Variants in SPRED2 observed in about 807,000 individuals in gnomAD.
SPRED2 encodes sprouty related EVH1 domain containing 2.
SPRED2 carries 47 observed loss-of-function variants against 43.0 expected under a neutral mutation model. That is an observed-to-expected ratio of 1.09 (90% confidence interval 0.87 to 1.40). SPRED2 has a LOEUF of 1.40. Ranked by LOEUF, SPRED2 falls within the 40% of genes most tolerant of loss-of-function variation. The pLI is 0.00. For missense variants in SPRED2, 561 were observed against 586.4 expected (o/e 0.96, Z 0.45); for synonymous variants, 225 against 225.7 (o/e 1.00, Z 0.03).
At chr2:65,424,393 TCAAC>T (rs1318128612) in intron 1 of SPRED2, among the ~76,000 whole-genome samples, 1 of 152,198 alleles carries the variant, frequency 6.6e-6, no homozygotes, top group Non-Finnish European at 1.5e-5. Context: ...AATAGTTACT[TCAAC>T]CAATTGATAA....
At chr2:65,327,713 C>CTTTTTTTTTTTTTTTTTTTTTT (rs555549300) in intron 4 of SPRED2, among the ~76,000 whole-genome samples, 1 of 74,446 alleles carries the variant, frequency 1.3e-5, no homozygotes, top group Non-Finnish European at 2.4e-5. Flanking sequence ...TTCTTTCTTT[C>CTTTTTTTTTTTTTTTTTTTTTT]TTTTTTTTTT....
At chr2:65,388,468 G>C (rs755931664) in intron 1 of SPRED2, among the ~76,000 whole-genome samples, 2 of 152,166 alleles carry the variant, frequency 1.3e-5, no homozygotes, top group Non-Finnish European at 2.9e-5. Context: ...TGAAAAATTA[G>C]CCAAGGCCCA....
intron 1 of SPRED2, among the ~76,000 whole-genome samples, chr2:65,416,782 C>T (rs572786275): frequency 3.9e-5 from 6 of 152,086 alleles, no homozygotes; most frequent in African/African-American, 1.2e-4. Context: ...TTGGGCTCTC[C>T]GGATACTGTG....
chr2:65,425,991 C>T (rs1271663335), intron 1 of SPRED2, among the ~76,000 whole-genome samples: 1 of 152,112 alleles, frequency 6.6e-6, no homozygotes, highest in Non-Finnish European at 1.5e-5. Flanking sequence ...AGAATGATGC[C>T]AATATTGGAG....
chr2:65,350,435 T>A (rs1674474868), intron 1 of SPRED2, among the ~76,000 whole-genome samples: 1 of 152,112 alleles, frequency 6.6e-6, no homozygotes, highest in East Asian at 1.9e-4. Context: ...GGAGCCCGAG[T>A]GTCTGAACTT....
At chr2:65,335,594 T>C (rs1489123168) in intron 2 of SPRED2, among the ~76,000 whole-genome samples, 1 of 152,168 alleles carries the variant, frequency 6.6e-6, no homozygotes, top group Non-Finnish European at 1.5e-5. Flanking sequence ...CCCTGTCAAG[T>C]TTTATATGTA....
chr2:65,332,865 C>T (rs761098877), intron 3 of SPRED2, among the ~76,000 whole-genome samples: 17 of 152,240 alleles, frequency 1.1e-4, no homozygotes, highest in South Asian at 2.1e-4. Flanking sequence ...CTTAATTGGC[C>T]AAAAGAAAGA....
intron 1 of SPRED2, 129 bp from the exon 2 acceptor site, chr2:65,345,025 G>T: frequency 1.2e-6 from 1 of 865,092 alleles, no homozygotes; most frequent in Non-Finnish European, 1.7e-6. Context: ...ATGCTTGGCG[G>T]CAACCTTAAA....
intron 1 of SPRED2, among the ~76,000 whole-genome samples, chr2:65,346,002 T>C (rs187152881): frequency 6.6e-6 from 1 of 152,360 alleles, no homozygotes; most frequent in African/African-American, 2.4e-5. Flanking sequence ...ATTTGCGTGT[T>C]GTATATGCCA....
At position 65,432,375 on chromosome 2, in the gene SPRED2, G is replaced by T. The variant is rs1035293431; in HGVS notation, c.-388C>A. Among the ~76,000 whole-genome samples, 1 of 151,760 alleles carries T rather than the reference G, an allele frequency of 6.6e-6. No homozygotes were observed. On this transcript the variant is annotated 5_prime_UTR_variant, in exon 1 of 6. Transcript: ENST00000356388. ...GGAGAGCGCCGGCCGCGGGTGGGGGGGCTCAGTCCGGGGTCGCCCCCGGGG... is the reference window on the plus strand; with the variant it reads ...GGAGAGCGCCGGCCGCGGGTGGGGGTGCTCAGTCCGGGGTCGCCCCCGGGG...
At chr2:65,395,695 C>A (rs1163466476) in intron 1 of SPRED2, among the ~76,000 whole-genome samples, 1 of 152,144 alleles carries the variant, frequency 6.6e-6, no homozygotes, top group East Asian at 1.9e-4. Flanking sequence ...TCTCATAGGG[C>A]AGTTATGAGA....
At chr2:65,340,000 A>C (rs1208236651) in intron 2 of SPRED2, among the ~76,000 whole-genome samples, 1 of 152,236 alleles carries the variant, frequency 6.6e-6, no homozygotes, top group Non-Finnish European at 1.5e-5. Context: ...GAATCCAGCT[A>C]TTTTCTGGTA....
intron 5 of SPRED2, 108 bp from the exon 6 acceptor site, chr2:65,314,277 C>T (rs550922186): frequency 5.8e-6 from 6 of 1,033,922 alleles, no homozygotes; most frequent in Admixed American, 2.9e-5. Context: ...GCACCTTTCT[C>T]GATAACTCCA....
intron 1 of SPRED2, among the ~76,000 whole-genome samples, chr2:65,371,585 GA>G (rs750928491): frequency 2.0e-5 from 3 of 152,122 alleles, no homozygotes; most frequent in Non-Finnish European, 4.4e-5. Context: ...TACACACAGT[GA>G]CAAATCTTAC....
chr2:65,354,883 G>T (rs1018861486), intron 1 of SPRED2, among the ~76,000 whole-genome samples: 2 of 152,192 alleles, frequency 1.3e-5, no homozygotes, highest in Non-Finnish European at 2.9e-5. Context: ...GTCTAAGACA[G>T]ATTTTTAAAA....
At chr2:65,337,087 G>GA (rs1673988422) in intron 2 of SPRED2, among the ~76,000 whole-genome samples, 1 of 152,004 alleles carries the variant, frequency 6.6e-6, no homozygotes, top group Non-Finnish European at 1.5e-5. Context: ...CAGCCTGGGC[G>GA]AAAGAGCAAG....
intron 1 of SPRED2, among the ~76,000 whole-genome samples, chr2:65,352,498 C>T (rs1674540323): frequency 6.6e-6 from 1 of 152,250 alleles, no homozygotes; most frequent in African/African-American, 2.4e-5. Flanking sequence ...CTATGTTTAT[C>T]AAGAGGAGAA....
At chr2:65,357,327 T>C (rs1049997774) in intron 1 of SPRED2, among the ~76,000 whole-genome samples, 1 of 152,208 alleles carries the variant, frequency 6.6e-6, no homozygotes, top group Non-Finnish European at 1.5e-5. Context: ...GAGAGTGGTA[T>C]AGAGGTCAGC....
At chr2:65,377,534 G>A (rs916771985) in intron 1 of SPRED2, 7 of 469,054 alleles carry the variant, frequency 1.5e-5, no homozygotes, top group African/African-American at 4.0e-5. Flanking sequence ...AACAGTGTTC[G>A]GTCTCATAGA....
Sources: gnomAD v4.1 joint callset for allele counts (sites outside exome capture counted in the v4.1 genomes callset) on GRCh38, gnomAD v4.1.1 for gene constraint, MANE v1.5 for transcripts, NCBI Gene and HGNC (gene_info 2026-07-23, HGNC 2026-07-21) for gene names.